The following ICA1L variants were observed in gnomAD, a reference collection of about 807,000 sequenced individuals.
The protein encoded by ICA1L is islet cell autoantigen 1 like.
A neutral mutation model predicts 61.3 loss-of-function variants in ICA1L; 50 were observed. The observed-to-expected ratio is 0.82, with a 90% CI of 0.65 to 1.03. The LOEUF (loss-of-function observed/expected upper bound fraction) is 1.03. Ranked by LOEUF, ICA1L falls within the 50% of genes least tolerant of loss-of-function variation. The pLI is 0.00. For missense variants in ICA1L, 508 were observed against 556.7 expected (o/e 0.91, Z 0.88); for synonymous variants, 161 against 191.3 (o/e 0.84, Z 1.31).
intron 9 of ICA1L, among the ~76,000 whole-genome samples, chr2:202,800,522 C>A (rs1391288063): frequency 1.3e-5 from 2 of 152,118 alleles, no homozygotes; most frequent in African/African-American, 4.8e-5. Flanking sequence ...ATACTCCAGT[C>A]TGTATACATT....
chr2:202,820,900 CATT>C (rs1693683078), intron 4 of ICA1L, among the ~76,000 whole-genome samples: 1 of 152,046 alleles, frequency 6.6e-6, no homozygotes, highest in South Asian at 2.1e-4. Context: ...CAGTAGGTAT[CATT>C]ATATTAGAAA....
chr2:202,817,331 A>G, intron 6 of ICA1L, 87 bp downstream of exon 6: 4 of 1,251,606 alleles, frequency 3.2e-6, no homozygotes, highest in Non-Finnish European at 4.3e-6. Flanking sequence ...ATCATACATA[A>G]ATTTTTACAC....
At chr2:202,846,165 A>G (rs1198009784) in intron 1 of ICA1L, among the ~76,000 whole-genome samples, 1 of 152,160 alleles carries the variant, frequency 6.6e-6, no homozygotes, top group Admixed American at 6.5e-5. Context: ...ATTAACATGT[A>G]TAACTATTAT....
intron 10 of ICA1L, among the ~76,000 whole-genome samples, chr2:202,794,749 C>T (rs1692871839): frequency 6.6e-6 from 1 of 151,744 alleles, no homozygotes; most frequent in South Asian, 2.1e-4. Flanking sequence ...ACAATAGCAA[C>T]CAGAAAGATA....
At chr2:202,823,775 C>A (rs1365255573) in intron 3 of ICA1L, among the ~76,000 whole-genome samples, 1 of 152,222 alleles carries the variant, frequency 6.6e-6, no homozygotes, top group African/African-American at 2.4e-5. Flanking sequence ...AGTTATTCTT[C>A]ATTCCTAGGA....
At position 202,774,076 on chromosome 2, in the gene ICA1L, TATG is replaced by T. The variant is rs1385282572; in HGVS notation, c.*5454_*5456del. On this transcript the variant is annotated 3_prime_UTR_variant, in exon 13 of 13. Coordinates refer to ENST00000358299, the MANE Select transcript of ICA1L (RefSeq NM_001288622.3). Reference sequence around the variant, plus strand: ...TTGATGTGTCATCCTAGCTGCCTAATATGATAATATTAGGAATCCCATCAATGA... The same window carrying T: ...TTGATGTGTCATCCTAGCTGCCTAATATAATATTAGGAATCCCATCAATGA... 8.8e-6 allele frequency: 9 copies of T among 1,022,228 alleles called. No homozygotes were observed. Among genetic ancestry groups the T allele is most frequent in the South Asian group, 1.4e-5 (1 of 70,338 alleles). 63.3% of individuals were successfully genotyped at this position (1,022,228 alleles called of 1,614,324 possible).
chr2:202,847,923 C>G (rs1014368096), intron 1 of ICA1L, among the ~76,000 whole-genome samples: 1 of 151,994 alleles, frequency 6.6e-6, no homozygotes, highest in Non-Finnish European at 1.5e-5. Flanking sequence ...AAATCATGTC[C>G]TTTGCAGCAA....
At chr2:202,829,269 G>A (rs565617717) in intron 1 of ICA1L, 79 of 212,536 alleles carry the variant, frequency 3.7e-4, no homozygotes, top group African/African-American at 1.7e-3. Context: ...AGAATGGCGT[G>A]AACCCGGGAG....
At chr2:202,796,792 A>G (rs1252110870) in intron 10 of ICA1L, 98 bp downstream of exon 10, 7 of 660,126 alleles carry the variant, frequency 1.1e-5, no homozygotes, top group Non-Finnish European at 1.7e-5. Context: ...ATTCTTATGT[A>G]GAGACCCAGA....
At chr2:202,782,552 G>T (rs562471642) in intron 12 of ICA1L, among the ~76,000 whole-genome samples, 3 of 151,812 alleles carry the variant, frequency 2.0e-5, no homozygotes, top group Non-Finnish European at 4.4e-5. Context: ...GGGACTACAG[G>T]CGTGTGCCAT....
In ICA1L at chr2:202,849,181, C is replaced by T. The variant is rs1186407276; in HGVS notation, c.-7-20165G>A. Among the ~76,000 whole-genome samples the T allele has an allele frequency of 6.6e-6, 1 of 152,200 alleles. No homozygotes were observed. Among genetic ancestry groups the T allele is most frequent in the Non-Finnish European group, 1.5e-5 (1 of 68,032 alleles). ...TACCACCAGGGCCCTGGGTTTCAAGCACAAAACCGGGTGGCTGTTTGGGCA... is the reference window on the plus strand; with the variant it reads ...TACCACCAGGGCCCTGGGTTTCAAGTACAAAACCGGGTGGCTGTTTGGGCA... On this transcript the variant is annotated intron_variant, in intron 1 of 12. Transcript: ENST00000358299. This position sits in a 1 kb window ranked among gnomAD's most constrained non-coding sequence, Gnocchi z 4.5.
chr2:202,847,340 G>A (rs765494147), intron 1 of ICA1L, among the ~76,000 whole-genome samples: 1 of 152,152 alleles, frequency 6.6e-6, no homozygotes. Context: ...TTTCATCTGT[G>A]ACATCTTGAA....
intron 1 of ICA1L, among the ~76,000 whole-genome samples, chr2:202,829,804 T>C (rs977607726): frequency 6.6e-6 from 1 of 152,230 alleles, no homozygotes; most frequent in Non-Finnish European, 1.5e-5. Context: ...GATATCTATT[T>C]ATAGATGTTT....
intron 9 of ICA1L, among the ~76,000 whole-genome samples, chr2:202,807,971 C>CCAGGCAGTACT (rs1693270122): frequency 6.6e-6 from 1 of 152,164 alleles, no homozygotes; most frequent in Non-Finnish European, 1.5e-5. Context: ...TCAGCAGCAC[C>CCAGGCAGTACT]CAGGCAGTAC....
intron 1 of ICA1L, chr2:202,840,675 G>A (rs1019961982): frequency 1.7e-6 from 1 of 595,182 alleles, no homozygotes; most frequent in Non-Finnish European, 3.2e-6. Context: ...TCATGCAGCT[G>A]CTACGCCATG....
chr2:202,837,184 TGTG>T lies in ICA1L; in HGVS notation c.-7-8171_-7-8169del, dbSNP rs560750739. ...AGTAGTCTATGATCCTTTGTATTTC[TGTG>T]GTATCAGCTGTAATGTCTCCCTCTT... On this transcript the variant is annotated intron_variant, in intron 1 of 12. Transcript: ENST00000358299. Among the ~76,000 whole-genome samples the T allele has an allele frequency of 9.4e-4, 143 of 152,154 alleles. 1 individual carries two copies. Among genetic ancestry groups the T allele is most frequent in the African/African-American group, 3.3e-3 (138 of 41,528 alleles).
intron 10 of ICA1L, among the ~76,000 whole-genome samples, chr2:202,791,651 A>T (rs1185203469): frequency 6.6e-6 from 1 of 152,122 alleles, no homozygotes; most frequent in African/African-American, 2.4e-5. Flanking sequence ...GTTTGAGACC[A>T]GCCTGGCCAA....
Position 202,858,109 on chromosome 2 carries a change from C to A in ICA1L, c.-8+13510G>T, listed in dbSNP as rs180945108. ...CAGAAATACCATTTGACCCAGCAAT[C>A]TCATTACTTGGTATATACCCAAAGG... On this transcript the variant is annotated intron_variant, in intron 1 of 12. Transcript: ENST00000358299. Among the ~76,000 whole-genome samples the A allele has an allele frequency of 4.6e-5, 7 of 152,302 alleles. No homozygotes were observed. In the South Asian group the frequency reaches 6.2e-4, roughly 14 times the overall value.
In ICA1L at chr2:202,777,561, G is replaced by T. The variant is rs1383195091; in HGVS notation, c.*1972C>A. The T allele has an allele frequency of 6.6e-6, 1 of 151,770 alleles. No individual in the cohort carries two copies. The highest frequency in any genetic ancestry group is 1.5e-5 in the Non-Finnish European group (1 of 67,800). The allele number at this position is 151,770 out of a possible 1,614,324, so 9.4% of individuals were successfully genotyped here. ...AGTAATGGCTCATTAAAATCTAAAA[G>T]AAATAGGAGTAATATTGTGAAAAGA... On this transcript the variant is annotated 3_prime_UTR_variant, in exon 13 of 13. Coordinates refer to ENST00000358299, the MANE Select transcript of ICA1L (RefSeq NM_001288622.3).
Sources: allele counts gnomAD v4.1 joint callset (sites outside exome capture counted in the v4.1 genomes callset), GRCh38; gene constraint gnomAD v4.1.1; non-coding constraint Gnocchi (gnomAD v3.1); transcripts MANE v1.5; gene names NCBI Gene and HGNC (gene_info 2026-07-23, HGNC 2026-07-21).